The following ANKFN1 variants were observed in gnomAD, a reference collection of about 807,000 sequenced individuals.
ANKFN1 encodes ankyrin repeat and fibronectin type-III domain-containing protein 1.
In ANKFN1, 74 loss-of-function variants were observed where a neutral mutation model predicts 108.7. The observed-to-expected ratio is 0.68, with a 90% confidence interval of 0.56 to 0.83. The LOEUF (loss-of-function observed/expected upper bound fraction) is 0.83. Among genes scored for constraint, ANKFN1 ranks in the 40% least tolerant of loss-of-function variants. The pLI is 0.00. For synonymous variants in ANKFN1, 547 were observed against 516.2 expected (o/e 1.06, Z -0.81); for missense variants, 1,505 against 1,382.3 (o/e 1.09, Z -1.41).
chr17:56,473,754 T>C (rs1187351881), intron 15 of ANKFN1: 1 of 151,878 alleles, frequency 6.6e-6, no homozygotes, highest in Non-Finnish European at 1.5e-5. Context: ...TCCAAAACAT[T>C]TTAAAGAGGA....
chr17:56,271,581 G>T (rs1330260673), intron 3 of ANKFN1, among the ~76,000 whole-genome samples: 1 of 152,188 alleles, frequency 6.6e-6, no homozygotes, highest in Admixed American at 6.5e-5. Context: ...CTTGGATAAG[G>T]TAGTATCGAT....
chr17:56,446,680 G>C (rs1338087093), intron 10 of ANKFN1, among the ~76,000 whole-genome samples: 1 of 152,156 alleles, frequency 6.6e-6, no homozygotes, highest in Non-Finnish European at 1.5e-5. Context: ...CAAGGCGGGT[G>C]GATCACCTGA....
intron 1 of ANKFN1, among the ~76,000 whole-genome samples, chr17:56,206,102 T>C (rs1272863375): frequency 6.6e-6 from 1 of 152,174 alleles, no homozygotes; most frequent in East Asian, 1.9e-4. Context: ...TTATTCCTAT[T>C]ATATATTAAA....
chr17:56,496,721 A>C (rs1224947485), intron 19 of ANKFN1, among the ~76,000 whole-genome samples: 2 of 152,134 alleles, frequency 1.3e-5, no homozygotes, highest in Non-Finnish European at 2.9e-5. Flanking sequence ...CAAAATCCTA[A>C]ACTTAATCAT....
At chr17:56,458,007 C>A in intron 14 of ANKFN1, 28 bp downstream of exon 14, 2 of 1,578,618 alleles carry the variant, frequency 1.3e-6, no homozygotes, top group South Asian at 1.1e-5. Context: ...AACCCAGGCC[C>A]CCAAGGAAAA....
chr17:56,062,805 C>A (rs940530237), intron 4 of ANKFN1, among the ~76,000 whole-genome samples: 7 of 152,080 alleles, frequency 4.6e-5, no homozygotes, highest in African/African-American at 1.7e-4. Flanking sequence ...CTAGTTGATG[C>A]AGTTTCTTCA....
chr17:56,494,582 A>C (rs980951327), intron 19 of ANKFN1, among the ~76,000 whole-genome samples: 4 of 152,050 alleles, frequency 2.6e-5, no homozygotes, highest in African/African-American at 4.8e-5. Flanking sequence ...AATAAAAAAT[A>C]AAAAGAAGTC....
intron 14 of ANKFN1, among the ~76,000 whole-genome samples, chr17:56,462,643 A>G (rs1049596023): frequency 6.6e-6 from 1 of 152,184 alleles, no homozygotes; most frequent in Non-Finnish European, 1.5e-5. Flanking sequence ...GTAAAAATGC[A>G]TTATACATAG....
intron 3 of ANKFN1, among the ~76,000 whole-genome samples, chr17:56,239,306 T>C (rs1046429201): frequency 6.6e-6 from 1 of 152,094 alleles, no homozygotes; most frequent in Non-Finnish European, 1.5e-5. Flanking sequence ...AGGGAAAAGA[T>C]CTAGTGTTCA....
intron 16 of ANKFN1, 129 bp downstream of exon 16, chr17:56,477,783 A>C (rs2145351966): frequency 9.8e-6 from 9 of 918,054 alleles, no homozygotes; most frequent in African/African-American, 1.7e-5. Context: ...CTCAGATGCC[A>C]CACTGAAGTG....
At chr17:56,420,973 C>G (rs967909935) in intron 8 of ANKFN1, among the ~76,000 whole-genome samples, 1 of 151,944 alleles carries the variant, frequency 6.6e-6, no homozygotes, top group Non-Finnish European at 1.5e-5. Flanking sequence ...CTCCCAAAGT[C>G]CTGGGATTAC....
At chr17:56,477,166 C>A (rs1349504051) in intron 15 of ANKFN1, among the ~76,000 whole-genome samples, 1 of 152,166 alleles carries the variant, frequency 6.6e-6, no homozygotes, top group African/African-American at 2.4e-5. Context: ...AAATTATCAA[C>A]TCAATTTTTC....
intron 4 of ANKFN1, among the ~76,000 whole-genome samples, chr17:56,050,403 C>A (rs1438860665): frequency 2.9e-5 from 4 of 138,316 alleles, no homozygotes; most frequent in African/African-American, 5.6e-5. Flanking sequence ...TTAATTAGAT[C>A]CCATTTGTCA....
At chr17:56,122,948 A>G (rs1906710111) in intron 4 of ANKFN1, among the ~76,000 whole-genome samples, 2 of 152,220 alleles carry the variant, frequency 1.3e-5, no homozygotes, top group Non-Finnish European at 2.9e-5. Context: ...TGCTTATTAA[A>G]TGGAAAAGGA....
At chr17:56,290,406 G>A (rs1468441079) in intron 3 of ANKFN1, among the ~76,000 whole-genome samples, 1 of 152,190 alleles carries the variant, frequency 6.6e-6, no homozygotes, top group Non-Finnish European at 1.5e-5. Context: ...AAATAGAATT[G>A]TAAGGGTTCT....
intron 4 of ANKFN1, chr17:56,110,861 C>G (rs1269667400): frequency 1.3e-5 from 2 of 152,288 alleles, no homozygotes; most frequent in Non-Finnish European, 2.9e-5. Flanking sequence ...CCTGCACACA[C>G]AGTGACCAAG....
chr17:56,461,958 T>G (rs1425949202), intron 14 of ANKFN1: 2 of 152,204 alleles, frequency 1.3e-5, no homozygotes, highest in Non-Finnish European at 2.9e-5. Context: ...TCCTGCACCG[T>G]GACCGGAGAG....
chr17:56,506,271 T>C (rs1321699653), intron 20 of ANKFN1, among the ~76,000 whole-genome samples: 1 of 144,960 alleles, frequency 6.9e-6, no homozygotes, highest in African/African-American at 2.5e-5. Flanking sequence ...GAATGTGACA[T>C]TATTTGAAAA....
intron 18 of ANKFN1, 181 bp downstream of exon 18, chr17:56,482,705 C>T (rs1175522979): frequency 1.7e-6 from 1 of 585,860 alleles, no homozygotes; most frequent in Non-Finnish European, 2.6e-6. Context: ...GACTATGTGC[C>T]TGAGCAATAA....
Sources: gnomAD v4.1 joint callset for allele counts (sites outside exome capture counted in the v4.1 genomes callset) on GRCh38, gnomAD v4.1.1 for gene constraint, MANE v1.5 for transcripts, NCBI Gene and HGNC (gene_info 2026-07-23, HGNC 2026-07-21) for gene names.